The following SLC10A7 variants were observed in gnomAD, a reference collection of about 807,000 sequenced individuals.
SLC10A7 encodes the protein sodium/bile acid cotransporter 7.
In SLC10A7, 29 loss-of-function variants were observed where a neutral mutation model predicts 43.2. The observed-to-expected ratio is 0.67, with a 90% CI of 0.50 to 0.92. The LOEUF is 0.92. Ranked by LOEUF, SLC10A7 falls within the 40% of genes least tolerant of loss-of-function variation. SLC10A7 has a pLI of 0.00. For synonymous variants in SLC10A7, 152 were observed against 144.8 expected (o/e 1.05, Z -0.35); for missense variants, 295 against 403.2 (o/e 0.73, Z 2.30).
At chr4:146,477,444 A>G (rs1489403986) in intron 4 of SLC10A7, among the ~76,000 whole-genome samples, 1 of 152,246 alleles carries the variant, frequency 6.6e-6, no homozygotes, top group African/African-American at 2.4e-5. Flanking sequence ...AAAAGTTATA[A>G]TTAGAGTTTT....
chr4:146,322,449 T>C (rs1383272423), intron 6 of SLC10A7, among the ~76,000 whole-genome samples: 3 of 143,388 alleles, frequency 2.1e-5, no homozygotes, highest in Non-Finnish European at 4.5e-5. Context: ...AATTCCCACC[T>C]ATGAGTCAGA....
intron 6 of SLC10A7, among the ~76,000 whole-genome samples, chr4:146,310,504 ATAG>A (rs1348895807): frequency 1.3e-5 from 2 of 151,968 alleles, no homozygotes; most frequent in African/African-American, 4.8e-5. Context: ...TCACTTTCTA[ATAG>A]TAGCCATTCT....
chr4:146,301,907 A>G (rs971565684), intron 7 of SLC10A7, among the ~76,000 whole-genome samples: 1 of 152,222 alleles, frequency 6.6e-6, no homozygotes, highest in Admixed American at 6.5e-5. Context: ...AGAAAAAAAA[A>G]GCTACCTATA....
chr4:146,263,691 T>C (rs1411881075), intron 10 of SLC10A7, among the ~76,000 whole-genome samples: 1 of 152,230 alleles, frequency 6.6e-6, no homozygotes, highest in African/African-American at 2.4e-5. Flanking sequence ...CATTTGACTT[T>C]ATGGAAGTGA....
intron 7 of SLC10A7, among the ~76,000 whole-genome samples, chr4:146,303,466 C>T (rs560257106): frequency 1.3e-5 from 2 of 151,572 alleles, no homozygotes; most frequent in African/African-American, 4.8e-5. Flanking sequence ...CAACCTCCGC[C>T]TCCCAGGTTC....
intron 5 of SLC10A7, among the ~76,000 whole-genome samples, chr4:146,346,118 T>G (rs982323562): frequency 3.3e-5 from 5 of 152,160 alleles, no homozygotes; most frequent in African/African-American, 9.6e-5. Flanking sequence ...AATCTCCATT[T>G]ATAAGGTTGG....
At chr4:146,271,308 T>G (rs1728877615) in intron 10 of SLC10A7, among the ~76,000 whole-genome samples, 1 of 152,170 alleles carries the variant, frequency 6.6e-6, no homozygotes, top group Non-Finnish European at 1.5e-5. Flanking sequence ...TCTGCAGTCT[T>G]CCCTAAGCCA....
chr4:146,326,067 A>G (rs988054211), intron 5 of SLC10A7, 71 bp from the exon 6 acceptor site: 1 of 1,377,460 alleles, frequency 7.3e-7, no homozygotes, highest in Non-Finnish European at 1.0e-6. Flanking sequence ...GCCATTTTAA[A>G]CTCTGAGGCA....
chr4:146,412,847 T>A (rs571964883), intron 5 of SLC10A7, among the ~76,000 whole-genome samples: 1 of 152,222 alleles, frequency 6.6e-6, no homozygotes, highest in East Asian at 1.9e-4. Flanking sequence ...AATTATAATG[T>A]AATTATTATA....
chr4:146,330,677 GTAC>G (rs1395920364), intron 5 of SLC10A7, among the ~76,000 whole-genome samples: 3 of 152,138 alleles, frequency 2.0e-5, no homozygotes, highest in African/African-American at 7.2e-5. Context: ...CATTTATGCA[GTAC>G]TTATGCTGCA....
intron 10 of SLC10A7, among the ~76,000 whole-genome samples, chr4:146,278,595 CT>C (rs1418016139): frequency 1.3e-5 from 2 of 152,102 alleles, no homozygotes; most frequent in Non-Finnish European, 2.9e-5. Context: ...GACATATTTC[CT>C]TTTCTGTAAT....
At chr4:146,390,229 G>A (rs1316503911) in intron 5 of SLC10A7, among the ~76,000 whole-genome samples, 1 of 152,126 alleles carries the variant, frequency 6.6e-6, no homozygotes, top group East Asian at 1.9e-4. Context: ...AGGCCATCAT[G>A]TTTTATGGTT....
chr4:146,471,983 C>T (rs1019587039), intron 4 of SLC10A7, among the ~76,000 whole-genome samples: 2 of 152,074 alleles, frequency 1.3e-5, no homozygotes, highest in African/African-American at 4.8e-5. Context: ...TCCATACCCC[C>T]CCACTCCCAA....
At chr4:146,346,983 C>G (rs1346846620) in intron 5 of SLC10A7, among the ~76,000 whole-genome samples, 1 of 152,060 alleles carries the variant, frequency 6.6e-6, no homozygotes, top group South Asian at 2.1e-4. Context: ...CTAGTTGCAG[C>G]AAACTAAAAA....
At chr4:146,367,047 G>A (rs1479133220) in intron 5 of SLC10A7, among the ~76,000 whole-genome samples, 2 of 151,184 alleles carry the variant, frequency 1.3e-5, no homozygotes, top group Admixed American at 6.6e-5. Flanking sequence ...TCATGGTTTG[G>A]CTCATCTACA....
intron 5 of SLC10A7, among the ~76,000 whole-genome samples, chr4:146,372,585 T>C (rs1397114489): frequency 6.6e-6 from 1 of 152,176 alleles, no homozygotes; most frequent in African/African-American, 2.4e-5. Context: ...AAAATAATAC[T>C]TAGCTTATCT....
chr4:146,336,454 T>C (rs1034232859), intron 5 of SLC10A7, among the ~76,000 whole-genome samples: 1 of 152,084 alleles, frequency 6.6e-6, no homozygotes, highest in Non-Finnish European at 1.5e-5. Context: ...AAATTACTAG[T>C]TAATAGTGTG....
intron 5 of SLC10A7, among the ~76,000 whole-genome samples, chr4:146,394,980 C>T (rs538138677): frequency 6.6e-4 from 101 of 152,292 alleles, no homozygotes; most frequent in Admixed American, 6.5e-3. Flanking sequence ...TCTACTTCTT[C>T]CATAAAGCCT....
At chr4:146,364,412 G>A (rs1044187378) in intron 5 of SLC10A7, among the ~76,000 whole-genome samples, 1 of 152,050 alleles carries the variant, frequency 6.6e-6, no homozygotes, top group Non-Finnish European at 1.5e-5. Flanking sequence ...TATCAAACAT[G>A]AAAAGAACTA....
Sources: allele counts gnomAD v4.1 joint callset (sites outside exome capture counted in the v4.1 genomes callset), GRCh38; gene constraint gnomAD v4.1.1; transcripts MANE v1.5; gene names NCBI Gene and HGNC (gene_info 2026-07-23, HGNC 2026-07-21).